Variants in LAMA3 observed in about 807,000 individuals in gnomAD.
The protein encoded by LAMA3 is laminin subunit alpha 3, also known as laminin subunit alpha-3.
In LAMA3, 281 loss-of-function variants were observed where a neutral mutation model predicts 402.0. The observed-to-expected ratio is 0.70, with a 90% confidence interval of 0.63 to 0.77. The LOEUF is 0.77. Among genes scored for constraint, LAMA3 ranks in the 30% least tolerant of loss-of-function variants. The pLI, the probability that LAMA3 is intolerant of heterozygous loss-of-function variation, is 0.00. For missense variants in LAMA3, 3,840 were observed against 4,215.5 expected (o/e 0.91, Z 2.47); for synonymous variants, 1,431 against 1,558.4 (o/e 0.92, Z 1.93).
chr18:23,922,458 T>G (rs1308095881), intron 62 of LAMA3, among the ~76,000 whole-genome samples: 1 of 152,236 alleles, frequency 6.6e-6, no homozygotes, highest in Non-Finnish European at 1.5e-5. Flanking sequence ...GTCTGTCCAT[T>G]CTACGTAGTC....
intron 41 of LAMA3, among the ~76,000 whole-genome samples, chr18:23,888,386 A>C (rs142477589): frequency 5.8e-4 from 89 of 152,326 alleles, no homozygotes; most frequent in African/African-American, 2.0e-3. Flanking sequence ...TTATTACATT[A>C]TCTCATATTC....
chr18:23,827,566 C>T, intron 23 of LAMA3, 99 bp downstream of exon 23: 4 of 1,337,914 alleles, frequency 3.0e-6, no homozygotes. Context: ...TTCAGGGGAA[C>T]CTGGAAGAAT....
chr18:23,940,015 G>T (rs1419929307), intron 68 of LAMA3, among the ~76,000 whole-genome samples: 1 of 152,208 alleles, frequency 6.6e-6, no homozygotes, highest in African/African-American at 2.4e-5. Flanking sequence ...CTAACATCTG[G>T]CTTTCAGTCC....
Position 23,748,522 on chromosome 18 carries a change from C to T in LAMA3, c.565+462C>T, listed in dbSNP as rs562204901. 6.9e-4 allele frequency among the ~76,000 whole-genome samples: 104 copies of T among 151,350 alleles called. 1 individual carries two copies. The South Asian group carries it at 0.015, about 22-fold the overall frequency. The stretch of plus-strand genomic sequence containing the variant: ...TTACTCTCAGAACATTGACTGGGCG[C>T]GGTGGCTTATGCCTGTAATCCCAGC... On this transcript the variant is annotated intron_variant, in intron 3 of 74. Transcript: ENST00000313654.
chr18:23,725,407 G>A (rs985303827), intron 2 of LAMA3, among the ~76,000 whole-genome samples: 5 of 152,138 alleles, frequency 3.3e-5, no homozygotes, highest in South Asian at 2.1e-4. Flanking sequence ...CACCGCGCCC[G>A]GCCTAACCCA....
chr18:23,855,949 C>T (rs1484245398), intron 32 of LAMA3, among the ~76,000 whole-genome samples: 4 of 152,234 alleles, frequency 2.6e-5, no homozygotes, highest in East Asian at 1.9e-4. Context: ...AGAAAGGCAC[C>T]GTCTCCTCCC....
At chr18:23,891,607 A>G (rs1485217235) in intron 42 of LAMA3, among the ~76,000 whole-genome samples, 3 of 152,234 alleles carry the variant, frequency 2.0e-5, no homozygotes, top group Non-Finnish European at 4.4e-5. Flanking sequence ...ATGATGGGCC[A>G]ATTCAACCAG....
rs772823390 is a variant in LAMA3 at position 23,810,516 on chromosome 18, G to C, written c.1741+13G>C. The C allele has an allele frequency of 2.4e-5, 38 of 1,613,750 alleles. No homozygotes were observed. The highest frequency in any genetic ancestry group is 3.1e-5 in the Non-Finnish European group (37 of 1,179,874). ...CCCCACTGCCAAGGTAGGAAAGTCA[G>C]CAGATTGCTAGAGGGCTGGTTCCTC... On this transcript the variant is annotated intron_variant, in intron 13 of 74. Transcript: ENST00000313654.
chr18:23,751,184 C>A, intron 5 of LAMA3, 96 bp downstream of exon 5: 1 of 1,161,880 alleles, frequency 8.6e-7, no homozygotes, highest in Non-Finnish European at 1.3e-6. Flanking sequence ...ACCTTTATAG[C>A]CTGTAATGAT....
intron 67 of LAMA3, among the ~76,000 whole-genome samples, chr18:23,935,502 C>T (rs2082285762): frequency 6.6e-6 from 1 of 152,172 alleles, no homozygotes; most frequent in Non-Finnish European, 1.5e-5. Context: ...TTAGTCTCTG[C>T]CCAGTAGCAG....
At chr18:23,822,503 C>A in intron 20 of LAMA3, 128 bp downstream of exon 20, 1 of 1,000,534 alleles carries the variant, frequency 1.0e-6, no homozygotes, top group Non-Finnish European at 1.5e-6. Context: ...TCTGGTTAGA[C>A]GGTTCTCTAG....
At chr18:23,698,870 G>A (rs2060736755) in intron 1 of LAMA3, among the ~76,000 whole-genome samples, 1 of 152,234 alleles carries the variant, frequency 6.6e-6, no homozygotes, top group Non-Finnish European at 1.5e-5. Flanking sequence ...TGGGGAGACT[G>A]TAGCCGTTGA....
intron 12 of LAMA3, among the ~76,000 whole-genome samples, chr18:23,797,348 G>C (rs1450355372): frequency 1.3e-5 from 2 of 151,968 alleles, no homozygotes; most frequent in South Asian, 4.2e-4. Context: ...GGCCCACAAT[G>C]GTGTATCAGC....
At chr18:23,871,248 A>C (rs984265770) in intron 37 of LAMA3, among the ~76,000 whole-genome samples, 183 bp from the exon 38 acceptor site, 1 of 152,124 alleles carries the variant, frequency 6.6e-6, no homozygotes, top group Non-Finnish European at 1.5e-5. Context: ...CATGGGAATA[A>C]CCCAGGACAC....
At chr18:23,877,893 C>CG (rs1568287468) in intron 39 of LAMA3, among the ~76,000 whole-genome samples, 1 of 152,082 alleles carries the variant, frequency 6.6e-6, no homozygotes, top group Admixed American at 6.6e-5. Flanking sequence ...AGGTGAATCA[C>CG]GAGGTCAGGA....
intron 2 of LAMA3, among the ~76,000 whole-genome samples, chr18:23,732,452 C>A (rs1399463373): frequency 6.6e-6 from 1 of 152,156 alleles, no homozygotes; most frequent in Non-Finnish European, 1.5e-5. Flanking sequence ...TAACTCTTTC[C>A]ATTCCTTCTG....
Position 23,915,249 on chromosome 18 carries a change from C to A in LAMA3, c.7645-40C>A, listed in dbSNP as rs1043055781. On this transcript the variant is annotated intron_variant, in intron 58 of 74. Transcript: ENST00000313654. ...AATTGATACTATTTTGATTATTGTC[C>A]TTTGTTCAATTGGTGGAAGATGTTT... 3 of 1,606,070 alleles carry A rather than the reference C, an allele frequency of 1.9e-6. No homozygotes were observed. The African/African-American group carries it at 4.0e-5, about 21-fold the overall frequency.
Position 23,753,306 on chromosome 18 carries a change from C to G in LAMA3, c.856-415C>G, listed in dbSNP as rs2143605352. Among the ~76,000 whole-genome samples the G allele has an allele frequency of 1.3e-5, 2 of 152,256 alleles. 1 individual carries two copies. Among genetic ancestry groups the G allele is most frequent in the South Asian group, 4.1e-4 (2 of 4,822 alleles). ...ACCTGGGATAGTATTTTGCGCAAAGCAAGTGCAACATTTTTTGGTATAAAA... is the reference window on the plus strand; with the variant it reads ...ACCTGGGATAGTATTTTGCGCAAAGGAAGTGCAACATTTTTTGGTATAAAA... On this transcript the variant is annotated intron_variant, in intron 5 of 74. Transcript: ENST00000313654.
At chr18:23,889,952 T>C in intron 41 of LAMA3, 59 bp from the exon 42 acceptor site, 1 of 1,260,192 alleles carries the variant, frequency 7.9e-7, no homozygotes, top group South Asian at 1.2e-5. Flanking sequence ...TTGAGAAAAT[T>C]GGTTGAGATA....
Sources: gnomAD v4.1 joint callset for allele counts (sites outside exome capture counted in the v4.1 genomes callset) on GRCh38, gnomAD v4.1.1 for gene constraint, MANE v1.5 for transcripts, NCBI Gene and HGNC (gene_info 2026-07-23, HGNC 2026-07-21) for gene names.